Variants in MRPL45 observed in about 807,000 individuals in gnomAD.
The protein encoded by MRPL45 is large ribosomal subunit protein mL45.
In MRPL45, 20 loss-of-function variants were observed where a neutral mutation model predicts 38.1. The observed-to-expected ratio is 0.53, with a 90% CI of 0.37 to 0.76. The LOEUF is 0.76. Ranked by LOEUF, MRPL45 falls within the 30% of genes least tolerant of loss-of-function variation. MRPL45 has a pLI of 0.00. For synonymous variants in MRPL45, 105 were observed against 128.8 expected, an observed-to-expected ratio of 0.82 and a Z score of 1.25; for missense variants, 337 against 395.6, an observed-to-expected ratio of 0.85 and a Z score of 1.26.
At chr17:38,298,976 C>T in intron 2 of MRPL45, among the ~76,000 whole-genome samples, 1 of 150,374 alleles carries the variant, frequency 6.7e-6, no homozygotes, top group Non-Finnish European at 1.5e-5. Flanking sequence ...GCAACCTCTG[C>T]CCCCCTGGGT....
At chr17:38,304,261 G>A (rs965726833) in intron 3 of MRPL45, among the ~76,000 whole-genome samples, 5 of 152,116 alleles carry the variant, frequency 3.3e-5, no homozygotes, top group Non-Finnish European at 7.4e-5. Context: ...ACTTGAGCAG[G>A]AGTTGAATAC....
At chr17:38,307,338 CTT>C (rs74774617) in intron 4 of MRPL45, among the ~76,000 whole-genome samples, 2 of 145,156 alleles carry the variant, frequency 1.4e-5, no homozygotes, top group Non-Finnish European at 1.5e-5. Context: ...GCCCGGCCCC[CTT>C]TTTTTTTTTG....
At chr17:38,314,828 C>G (rs2037158253) in intron 4 of MRPL45, among the ~76,000 whole-genome samples, 1 of 152,206 alleles carries the variant, frequency 6.6e-6, no homozygotes, top group African/African-American at 2.4e-5. Flanking sequence ...CACCGCCTGT[C>G]CTCAACAGTG....
chr17:38,306,462 G>T lies in MRPL45; in HGVS notation c.363-71G>T, dbSNP rs935420249. 5.6e-6 allele frequency: 8 copies of T among 1,422,844 alleles called. No homozygotes were observed. In the African/African-American group the frequency reaches 1.2e-4, roughly 21 times the overall value. 88.1% of individuals were successfully genotyped at this position (1,422,844 alleles called of 1,614,324 possible). ...TTGAGTAAGTGGATGGACATGAATG[G>T]AGGTCAGTGTAGGCTGTGAATTATG... is the stretch of plus-strand genomic sequence containing the variant. On this transcript the variant is annotated intron_variant, in intron 3 of 7. Transcript: ENST00000613675.
At chr17:38,308,895 C>T (rs1408039499) in intron 4 of MRPL45, among the ~76,000 whole-genome samples, 1 of 148,754 alleles carries the variant, frequency 6.7e-6, no homozygotes, top group Non-Finnish European at 1.5e-5. Context: ...TTTATTTTTA[C>T]TTTGTGTGCT....
chr17:38,305,882 AT>A (rs2037048562), intron 3 of MRPL45, among the ~76,000 whole-genome samples: 1 of 151,786 alleles, frequency 6.6e-6, no homozygotes, highest in African/African-American at 2.4e-5. Context: ...ACCTCAAGTG[AT>A]CTACCTGCCT....
At chr17:38,299,285 C>T (rs2036967552) in intron 2 of MRPL45, 66 bp from the exon 3 acceptor site, 2 of 1,096,048 alleles carry the variant, frequency 1.8e-6, no homozygotes, top group South Asian at 3.2e-5. Context: ...TTTTACATTA[C>T]TTCAATTTTA....
At chr17:38,314,281 T>C (rs2144229441) in intron 4 of MRPL45, among the ~76,000 whole-genome samples, 1 of 152,154 alleles carries the variant, frequency 6.6e-6, no homozygotes, top group East Asian at 1.9e-4. Flanking sequence ...ATTTTGTATT[T>C]TTAGTAGAGA....
chr17:38,299,766 C>T (rs2611851), intron 3 of MRPL45, among the ~76,000 whole-genome samples: 186 of 148,858 alleles, frequency 1.2e-3, no homozygotes, highest in African/African-American at 4.0e-3. Flanking sequence ...GATGGAGTTT[C>T]GCTCTTGTTG....
intron 4 of MRPL45, among the ~76,000 whole-genome samples, chr17:38,316,011 G>A (rs1237657690): frequency 2.0e-5 from 3 of 152,062 alleles, no homozygotes; most frequent in Non-Finnish European, 4.4e-5. Flanking sequence ...CTGACCTCAG[G>A]TGATCCACCC....
chr17:38,317,131 G>T (rs1341004091), intron 4 of MRPL45, among the ~76,000 whole-genome samples: 1 of 152,124 alleles, frequency 6.6e-6, no homozygotes, highest in Non-Finnish European at 1.5e-5. Flanking sequence ...TATAGTAGAA[G>T]TAGTATTACA....
At chr17:38,300,226 C>T (rs2036979389) in intron 3 of MRPL45, among the ~76,000 whole-genome samples, 1 of 151,944 alleles carries the variant, frequency 6.6e-6, no homozygotes, top group Non-Finnish European at 1.5e-5. Flanking sequence ...CCATGTTGGC[C>T]AAGATGGTCT....
chr17:38,306,928 T>C (rs942296561), intron 4 of MRPL45, among the ~76,000 whole-genome samples: 3 of 152,202 alleles, frequency 2.0e-5, no homozygotes, highest in African/African-American at 7.2e-5. Context: ...CCTGAATTCA[T>C]TCTGATCTTT....
rs927597572 is a variant in MRPL45 at position 38,321,606 on chromosome 17, G to A, written c.661-520G>A. On this transcript the variant is annotated intron_variant, in intron 6 of 7. Transcript: ENST00000613675. ...CTCAGGAGGCTGAGGCAGGAGAATC[G>A]CTTGAACCTGGAAGGCGGAGGTTGC... is the stretch of plus-strand genomic sequence containing the variant. Among the ~76,000 whole-genome samples, 10 of 152,088 alleles carry A rather than the reference G, an allele frequency of 6.6e-5. No individual in the cohort carries two copies. In the East Asian group the frequency reaches 1.5e-3, roughly 24 times the overall value.
At chr17:38,318,524 G>C (rs2037196948) in intron 4 of MRPL45, among the ~76,000 whole-genome samples, 163 bp from the exon 5 acceptor site, 1 of 150,010 alleles carries the variant, frequency 6.7e-6, no homozygotes, top group Admixed American at 6.7e-5. Context: ...TATTGTTCGT[G>C]TTTGTGCCCC....
chr17:38,315,507 G>A (rs2037164932), intron 4 of MRPL45, among the ~76,000 whole-genome samples: 1 of 151,460 alleles, frequency 6.6e-6, no homozygotes, highest in South Asian at 2.1e-4. Flanking sequence ...GGCCTCAAGT[G>A]ATCCTCTTGC....
At position 38,322,373 on chromosome 17, in the gene MRPL45, C is replaced by G. The variant is rs567880071; in HGVS notation, c.834+74C>G. 6.0e-5 allele frequency: 78 copies of G among 1,303,602 alleles called. 1 individual carries two copies. In the South Asian group the frequency reaches 8.9e-4, roughly 15 times the overall value. 80.8% of individuals were successfully genotyped at this position (1,303,602 alleles called of 1,614,324 possible). A position where few individuals can be genotyped will look rare whatever the true frequency, so the allele number is the denominator to read the frequency against. Reference sequence around the variant, plus strand: ...TCCTAAGCCACTCTGTCGGGCTCCACCTAGTGGCGAGAGGGGGTGATGCAC... The same window carrying G: ...TCCTAAGCCACTCTGTCGGGCTCCAGCTAGTGGCGAGAGGGGGTGATGCAC... On this transcript the variant is annotated intron_variant, in intron 7 of 7. Coordinates refer to ENST00000613675, the MANE Select transcript of MRPL45 (RefSeq NM_032351.6).
intron 6 of MRPL45, among the ~76,000 whole-genome samples, 159 bp from the exon 7 acceptor site, chr17:38,321,967 G>C (rs2144243228): frequency 2.0e-5 from 3 of 151,796 alleles, no homozygotes; most frequent in Admixed American, 2.0e-4. Context: ...AGGAGGTAGA[G>C]GTTGCAGTGA....
At chr17:38,305,647 G>GC (rs1348456567) in intron 3 of MRPL45, among the ~76,000 whole-genome samples, 2 of 29,942 alleles carry the variant, frequency 6.7e-5, no homozygotes, top group African/African-American at 2.0e-4. Flanking sequence ...ACCATGCCCA[G>GC]CTTTTTTTTT....
Sources: allele counts gnomAD v4.1 joint callset (sites outside exome capture counted in the v4.1 genomes callset), GRCh38; gene constraint gnomAD v4.1.1; transcripts MANE v1.5; gene names NCBI Gene and HGNC (gene_info 2026-07-23, HGNC 2026-07-21).